The following INVS variants were observed in gnomAD, a reference collection of about 807,000 sequenced individuals.
The protein encoded by INVS is inversin.
A neutral mutation model predicts 108.8 loss-of-function variants in INVS; 86 were observed. The ratio of observed to expected loss-of-function variants is 0.79; its 90% CI spans 0.66 to 0.95. INVS has a LOEUF of 0.95. Among genes scored for constraint, INVS ranks in the 40% least tolerant of loss-of-function variants. The pLI is 0.00. For missense variants in INVS, 1,169 were observed against 1,297.4 expected (o/e 0.90, Z 1.52); for synonymous variants, 455 against 473.5 (o/e 0.96, Z 0.51).
At chr9:100,161,145 T>A (rs1293097309) in intron 3 of INVS, among the ~76,000 whole-genome samples, 3 of 150,958 alleles carry the variant, frequency 2.0e-5, no homozygotes, top group Non-Finnish European at 4.4e-5. Context: ...GGAGGCCGAG[T>A]TGGGGGGATC....
intron 3 of INVS, among the ~76,000 whole-genome samples, chr9:100,203,501 C>CTTT (rs34618293): frequency 0.13 from 16,363 of 122,946 alleles, 1,669 homozygotes; most frequent in African/African-American, 0.26. Flanking sequence ...CCAAAGCTTC[C>CTTT]TTTTTTTTTT....
intron 10 of INVS, among the ~76,000 whole-genome samples, chr9:100,258,183 A>G (rs1157415207): frequency 6.6e-6 from 1 of 151,912 alleles, no homozygotes; most frequent in East Asian, 1.9e-4. Context: ...CCTTTCTTCC[A>G]CTTGATCGAA....
intron 8 of INVS, among the ~76,000 whole-genome samples, chr9:100,248,069 C>T (rs903883329): frequency 2.0e-5 from 3 of 152,118 alleles, no homozygotes; most frequent in African/African-American, 4.8e-5. Flanking sequence ...CCACCTGCCT[C>T]GGCCTCCCAA....
At chr9:100,139,031 C>T (rs1004220121) in intron 3 of INVS, among the ~76,000 whole-genome samples, 9 of 152,228 alleles carry the variant, frequency 5.9e-5, no homozygotes, top group Admixed American at 4.6e-4. Flanking sequence ...CTTGTCAAAA[C>T]ATTATTTAAT....
At chr9:100,150,877 T>G (rs1828787577) in intron 3 of INVS, among the ~76,000 whole-genome samples, 1 of 152,102 alleles carries the variant, frequency 6.6e-6, no homozygotes, top group East Asian at 1.9e-4. Context: ...TTTACAAATG[T>G]GACAACAGAT....
chr9:100,268,505 T>C (rs565909269), intron 11 of INVS, among the ~76,000 whole-genome samples: 1 of 152,238 alleles, frequency 6.6e-6, no homozygotes, highest in African/African-American at 2.4e-5. Context: ...TTCGTAGCCC[T>C]CACTCAAGAT....
At chr9:100,233,934 C>T (rs1831596971) in intron 5 of INVS, among the ~76,000 whole-genome samples, 1 of 152,160 alleles carries the variant, frequency 6.6e-6, no homozygotes, top group South Asian at 2.1e-4. Flanking sequence ...GGAATAGTTT[C>T]AGAAGGAATG....
intron 3 of INVS, among the ~76,000 whole-genome samples, chr9:100,143,756 G>T (rs1283353235): frequency 6.6e-6 from 1 of 152,146 alleles, no homozygotes; most frequent in African/African-American, 2.4e-5. Context: ...AGTTTTAAGA[G>T]GTTTAGAAGC....
At position 100,252,400 on chromosome 9, in the gene INVS, A is replaced by C; in HGVS notation, c.1196A>C (p.Glu399Ala). The change falls in exon 9 of 17, where the codon GAG becomes GCG. Residue 399 changes from glutamate to alanine, a missense_variant. By Grantham distance (107) the Glu-to-Ala change is moderately radical (BLOSUM62 -1). Transcript: ENST00000262457. ...MKHTPLFRAC[E>A]MGHKDVIQTL... ...CATACTCCACTTTTCCGAGCCTGTG[A>C]GATGGGACACAAAGATGTGATTCAG... The C allele has an allele frequency of 6.2e-7, 1 of 1,613,992 alleles. No homozygotes were observed. Among genetic ancestry groups the C allele is most frequent in the Non-Finnish European group, 8.5e-7 (1 of 1,179,870 alleles).
At chr9:100,110,431 T>G (rs1238568013) in intron 2 of INVS, among the ~76,000 whole-genome samples, 1 of 152,184 alleles carries the variant, frequency 6.6e-6, no homozygotes, top group Non-Finnish European at 1.5e-5. Context: ...GACCTCAATG[T>G]ATGGGTAGAT....
At chr9:100,233,173 T>C (rs968707159) in intron 5 of INVS, among the ~76,000 whole-genome samples, 8 of 152,134 alleles carry the variant, frequency 5.3e-5, no homozygotes, top group African/African-American at 1.7e-4. Flanking sequence ...CTCTTTGTTT[T>C]TCTGTTTTTG....
At position 100,162,422 on chromosome 9, in the gene INVS, G is replaced by A. The variant is rs75479899; in HGVS notation, c.273+35873G>A. On this transcript the variant is annotated intron_variant, in intron 3 of 16. Coordinates refer to ENST00000262457, the MANE Select transcript of INVS (RefSeq NM_014425.5). The stretch of plus-strand genomic sequence containing the variant: ...GGTTTTTAAATCTTTATTCTCCGCT[G>A]TAATCAGGATGTTGGCTTATACTCT... 1.8e-4 allele frequency among the ~76,000 whole-genome samples: 27 copies of A among 152,294 alleles called. No homozygotes were observed. In the East Asian group the frequency reaches 5.2e-3, roughly 29 times the overall value.
intron 11 of INVS, among the ~76,000 whole-genome samples, chr9:100,265,831 C>T (rs1314339465): frequency 6.6e-6 from 1 of 152,240 alleles, no homozygotes; most frequent in Non-Finnish European, 1.5e-5. Context: ...AATCCCAACA[C>T]TTTGGGAGGC....
chr9:100,284,215 T>A, intron 12 of INVS, 105 bp from the exon 13 acceptor site: 5 of 1,323,606 alleles, frequency 3.8e-6, no homozygotes, highest in Non-Finnish European at 5.3e-6. Context: ...TTTCCAAATA[T>A]CTCCTGTGAT....
At chr9:100,264,135 TTATC>T (rs1405794494) in intron 10 of INVS, among the ~76,000 whole-genome samples, 3 of 152,224 alleles carry the variant, frequency 2.0e-5, no homozygotes, top group African/African-American at 7.2e-5. Flanking sequence ...CATCTCTTCT[TTATC>T]TTTCATGACA....
At chr9:100,280,146 T>C (rs1833231940) in intron 12 of INVS, among the ~76,000 whole-genome samples, 1 of 152,218 alleles carries the variant, frequency 6.6e-6, no homozygotes, top group African/African-American at 2.4e-5. Flanking sequence ...TAAAAATTTC[T>C]ATCTGTGGGT....
Position 100,281,907 on chromosome 9 carries a change from G to C in INVS, c.1785-2413G>C, listed in dbSNP as rs147660434. ...TTGCCCCGGGGCTGGCTACAGAGAG[G>C]CTTCTTGGAATTGAACAAGAGAGCT... is the stretch of plus-strand genomic sequence containing the variant. On this transcript the variant is annotated intron_variant, in intron 12 of 16. Transcript: ENST00000262457. 2.6e-3 allele frequency among the ~76,000 whole-genome samples: 401 copies of C among 152,226 alleles called. 2 individuals are homozygous for C. The highest frequency in any genetic ancestry group is 0.015 in the South Asian group (70 of 4,812).
intron 3 of INVS, among the ~76,000 whole-genome samples, chr9:100,190,329 C>G (rs1830181981): frequency 6.6e-6 from 1 of 152,016 alleles, no homozygotes; most frequent in Non-Finnish European, 1.5e-5. Flanking sequence ...AATTTTTCAA[C>G]CATTCTGTCA....
At chr9:100,188,297 G>T (rs935992165) in intron 3 of INVS, among the ~76,000 whole-genome samples, 5 of 152,124 alleles carry the variant, frequency 3.3e-5, no homozygotes, top group Admixed American at 6.5e-5. Flanking sequence ...CATTCATTAA[G>T]ATATTGGTTG....
Sources: allele counts gnomAD v4.1 joint callset (sites outside exome capture counted in the v4.1 genomes callset), GRCh38; gene constraint gnomAD v4.1.1; transcripts MANE v1.5; gene names NCBI Gene and HGNC (gene_info 2026-07-23, HGNC 2026-07-21).